SLC25A12: variants seen among roughly 807,000 people sequenced by gnomAD.
SLC25A12 encodes the protein solute carrier family 25 member 12.
Under a neutral mutation model 83.3 loss-of-function variants are expected in SLC25A12, and 32 were observed. That is an observed-to-expected ratio of 0.38 (90% CI 0.29 to 0.52). The LOEUF (loss-of-function observed/expected upper bound fraction) is 0.52, where lower values mean the gene tolerates loss of function less well. SLC25A12 is among the 20% of genes least tolerant of loss of function. SLC25A12 has a pLI of 0.84. For synonymous variants in SLC25A12, 267 were observed against 291.1 expected, an observed-to-expected ratio of 0.92 and a Z score of 0.84; for missense variants, 611 against 835.6, an observed-to-expected ratio of 0.73 and a Z score of 3.31.
chr2:171,814,004 T>G (rs1299386624), intron 10 of SLC25A12, among the ~76,000 whole-genome samples: 1 of 152,184 alleles, frequency 6.6e-6, no homozygotes, highest in Non-Finnish European at 1.5e-5. Flanking sequence ...TTCAACATTA[T>G]CCTATCCCTA....
chr2:171,827,881 A>G (rs1684343030), intron 8 of SLC25A12, among the ~76,000 whole-genome samples: 1 of 151,942 alleles, frequency 6.6e-6, no homozygotes, highest in Non-Finnish European at 1.5e-5. Flanking sequence ...CTCTCTATTG[A>G]GCCTTCATTT....
At chr2:171,790,847 G>A (rs1683437340) in intron 15 of SLC25A12, among the ~76,000 whole-genome samples, 1 of 151,840 alleles carries the variant, frequency 6.6e-6, no homozygotes, top group African/African-American at 2.4e-5. Flanking sequence ...AGCTGGCTGG[G>A]ACTACAGGCA....
chr2:171,819,447 T>C (rs1450783744), intron 9 of SLC25A12, among the ~76,000 whole-genome samples: 2 of 63,900 alleles, frequency 3.1e-5, no homozygotes, highest in Non-Finnish European at 7.1e-5. Context: ...ATATAATATA[T>C]AATACTTATT....
intron 10 of SLC25A12, among the ~76,000 whole-genome samples, chr2:171,813,706 A>C (rs553790382): frequency 2.6e-4 from 39 of 152,340 alleles, no homozygotes; most frequent in Non-Finnish European, 3.7e-4. Context: ...GCTGCTTCAG[A>C]AAACAACTGT....
At chr2:171,835,383 G>A (rs144369791) in intron 6 of SLC25A12, among the ~76,000 whole-genome samples, 152 of 152,286 alleles carry the variant, frequency 1.0e-3, no homozygotes, top group Middle Eastern at 3.4e-3. Context: ...TTAACAGTCT[G>A]TGCTAAACTC....
chr2:171,792,867 A>C (rs1386542584), intron 14 of SLC25A12, among the ~76,000 whole-genome samples: 1 of 152,204 alleles, frequency 6.6e-6, no homozygotes, highest in East Asian at 1.9e-4. Flanking sequence ...GCAGTTACCG[A>C]AACAAATTTA....
intron 8 of SLC25A12, among the ~76,000 whole-genome samples, chr2:171,831,531 T>C (rs1452379396): frequency 6.6e-6 from 1 of 152,106 alleles, no homozygotes; most frequent in Non-Finnish European, 1.5e-5. Context: ...CTTAATTACT[T>C]AGGAAACAGG....
At chr2:171,836,642 A>T (rs1390745033) in intron 6 of SLC25A12, among the ~76,000 whole-genome samples, 1 of 152,214 alleles carries the variant, frequency 6.6e-6, no homozygotes, top group Non-Finnish European at 1.5e-5. Context: ...TCCGGCAGAC[A>T]GCACCCTGAA....
chr2:171,813,250 T>C, intron 11 of SLC25A12, 89 bp downstream of exon 11: 1 of 1,356,998 alleles, frequency 7.4e-7, no homozygotes, highest in African/African-American at 1.4e-5. Flanking sequence ...CTAGGCATAC[T>C]ACATATTGGC....
At chr2:171,869,654 C>A (rs1295480190) in intron 2 of SLC25A12, among the ~76,000 whole-genome samples, 2 of 152,142 alleles carry the variant, frequency 1.3e-5, no homozygotes, top group Non-Finnish European at 2.9e-5. Flanking sequence ...CAAAGAAACT[C>A]ATTAATTTAA....
At position 171,821,313 on chromosome 2, in the gene SLC25A12, G is replaced by A. The variant is rs149444874; in HGVS notation, c.930+5485C>T. Among the ~76,000 whole-genome samples the A allele has an allele frequency of 1.6e-3, 241 of 152,022 alleles. 1 individual carries two copies. Among genetic ancestry groups the A allele is most frequent in the Non-Finnish European group, 2.6e-3 (179 of 67,970 alleles). On this transcript the variant is annotated intron_variant, in intron 9 of 17. Transcript: ENST00000422440. ...ATTACAGGTGTGAGCCACCACACCCGGCCTAAACTTTCTTGTACATATCTC... is the reference window on the plus strand; with the variant it reads ...ATTACAGGTGTGAGCCACCACACCCAGCCTAAACTTTCTTGTACATATCTC...
At chr2:171,793,895 C>A in intron 13 of SLC25A12, 128 bp from the exon 14 acceptor site, 1 of 1,068,502 alleles carries the variant, frequency 9.4e-7, no homozygotes, top group Admixed American at 1.9e-5. Flanking sequence ...CTTCCTTCCT[C>A]AGGGGGGAAT....
At chr2:171,802,385 C>A (rs139560970) in intron 13 of SLC25A12, among the ~76,000 whole-genome samples, 2 of 151,840 alleles carry the variant, frequency 1.3e-5, no homozygotes, top group Admixed American at 1.3e-4. Context: ...GATAGCACAT[C>A]CAAGTTATCA....
chr2:171,882,536 G>A (rs1685719410), intron 2 of SLC25A12, among the ~76,000 whole-genome samples: 1 of 152,220 alleles, frequency 6.6e-6, no homozygotes, highest in Non-Finnish European at 1.5e-5. Context: ...AAAACTAAGA[G>A]ATGAAAGGTG....
intron 2 of SLC25A12, among the ~76,000 whole-genome samples, chr2:171,887,158 C>A (rs913291621): frequency 6.6e-6 from 1 of 152,146 alleles, no homozygotes; most frequent in Admixed American, 6.6e-5. Flanking sequence ...AATAAAAGAA[C>A]ATATCTTTCT....
chr2:171,801,731 T>C (rs551537517), intron 13 of SLC25A12, among the ~76,000 whole-genome samples: 1 of 152,318 alleles, frequency 6.6e-6, no homozygotes, highest in African/African-American at 2.4e-5. Context: ...TTGTGTTTTA[T>C]GATTTTGCCC....
At chr2:171,868,020 T>G (rs1056494891) in intron 3 of SLC25A12, among the ~76,000 whole-genome samples, 34 of 151,250 alleles carry the variant, frequency 2.2e-4, no homozygotes, top group Admixed American at 1.3e-3. Context: ...AATTTTTGTA[T>G]TTTTTTTAGT....
At chr2:171,810,192 A>G (rs968538133) in intron 12 of SLC25A12, 32 bp downstream of exon 12, 2 of 1,588,786 alleles carry the variant, frequency 1.3e-6, no homozygotes, top group Non-Finnish European at 1.7e-6. Flanking sequence ...AATCTAAACA[A>G]ATGACATAAA....
chr2:171,893,159 G>GT (rs1685981023), intron 2 of SLC25A12, 46 bp downstream of exon 2: 6 of 1,507,296 alleles, frequency 4.0e-6, no homozygotes, highest in Non-Finnish European at 4.6e-6. Flanking sequence ...GGACATGTAC[G>GT]TTTTTTGTTT....
Sources: gnomAD v4.1 joint callset for allele counts (sites outside exome capture counted in the v4.1 genomes callset) on GRCh38, gnomAD v4.1.1 for gene constraint, MANE v1.5 for transcripts, NCBI Gene and HGNC (gene_info 2026-07-23, HGNC 2026-07-21) for gene names.